Variants in TSC1 observed in about 807,000 individuals in gnomAD.
The protein encoded by TSC1 is hamartin.
A neutral mutation model predicts 124.3 loss-of-function variants in TSC1; 20 were observed. The observed-to-expected ratio is 0.16, with a 90% CI of 0.11 to 0.23. The LOEUF (loss-of-function observed/expected upper bound fraction) is 0.23. Ranked by LOEUF, TSC1 falls within the 10% of genes least tolerant of loss-of-function variation. TSC1 has a pLI of 1.00. For missense variants in TSC1, 1,124 were observed against 1,448.5 expected, an observed-to-expected ratio of 0.78 and a Z score of 3.64; for synonymous variants, 493 against 539.1, an observed-to-expected ratio of 0.91 and a Z score of 1.19.
intron 1 of TSC1, chr9:132,943,963 G>GTAAC: frequency 6.6e-6 from 1 of 152,292 alleles, no homozygotes; most frequent in East Asian, 1.9e-4. Context: ...CCACTTTAAG[G>GTAAC]TAACTGTCTT....
chr9:132,913,891 GTTTTTTTTTTTT>G (rs775823272), intron 8 of TSC1, among the ~76,000 whole-genome samples: 4 of 58,372 alleles, frequency 6.9e-5, no homozygotes, highest in African/African-American at 2.7e-4. Context: ...GTTTTGTTTT[GTTTTTTTTTTTT>G]TTTTTTTTTT....
intron 20 of TSC1, chr9:132,898,890 G>A (rs920695782): frequency 2.0e-5 from 3 of 152,338 alleles, no homozygotes; most frequent in African/African-American, 7.2e-5. Flanking sequence ...CAGGGGTGAT[G>A]AGAAGTATGG....
At position 132,902,796 on chromosome 9, in the gene TSC1, G is replaced by C. The variant is rs118203660; in HGVS notation, c.2209-9C>G. 188 of 1,612,866 alleles carry C rather than the reference G, an allele frequency of 1.2e-4. No homozygotes were observed. The highest frequency in any genetic ancestry group is 1.5e-4 in the Non-Finnish European group (182 of 1,180,014). ...AACTTCAACTGATCTTTCTAGCAGAGACCAGAAATGTCATCATTTTAGCTG... is the reference window on the plus strand; with the variant it reads ...AACTTCAACTGATCTTTCTAGCAGACACCAGAAATGTCATCATTTTAGCTG... On this transcript the variant is annotated splice_polypyrimidine_tract_variant and intron_variant, in intron 17 of 22. Coordinates refer to ENST00000298552, the MANE Select transcript of TSC1 (RefSeq NM_000368.5). The surrounding 1 kb of genome is among the most constrained non-coding windows in gnomAD (Gnocchi z 5.2).
intron 5 of TSC1, among the ~76,000 whole-genome samples, chr9:132,924,629 C>T (rs1030013626): frequency 6.6e-6 from 1 of 152,108 alleles, no homozygotes; most frequent in Non-Finnish European, 1.5e-5. Flanking sequence ...TATATTCTCA[C>T]CAATCCATTT....
In TSC1 at chr9:132,911,036, C is replaced by A. The variant is rs909737447; in HGVS notation, c.1107G>T (p.Leu369=). 1.2e-6 allele frequency: 2 copies of A among 1,614,174 alleles called. No individual in the cohort carries two copies. Among genetic ancestry groups the A allele is most frequent in the Non-Finnish European group, 1.7e-6 (2 of 1,180,042 alleles). Residue 369 remains leucine (L), a synonymous_variant, in exon 11 of 23, where the codon CTG becomes CTT. Coordinates refer to ENST00000298552, the MANE Select transcript of TSC1 (RefSeq NM_000368.5). ...PTSPGNVPPD[L]SHPYSKVFGT... Reference sequence around the variant, plus strand: ...CAAAGACTTTACTGTAAGGGTGTGACAGATCAGGTGGGACATTTCCAGGAG... The same window carrying A: ...CAAAGACTTTACTGTAAGGGTGTGAAAGATCAGGTGGGACATTTCCAGGAG...
chr9:132,901,948 T>G (rs1334376689), intron 18 of TSC1: 2 of 474,802 alleles, frequency 4.2e-6, no homozygotes, highest in Admixed American at 3.7e-5. Context: ...CAAAGAGCCC[T>G]GAGGCTACAC....
At chr9:132,939,138 G>A (rs1160394476) in intron 1 of TSC1, 1 of 152,158 alleles carries the variant, frequency 6.6e-6, no homozygotes, top group Non-Finnish European at 1.5e-5. Context: ...ACACTGTTAA[G>A]TTAATGTTCC....
rs1416032568 is a variant in TSC1, at chr9:132,894,014, C to A, written c.*2221G>T. ...ATGACTCCAGGTCTCATTCTCCCAA[C>A]CGTAGTTGAATAAAACCCACAGCCT... On this transcript the variant is annotated 3_prime_UTR_variant, in exon 23 of 23. Coordinates refer to ENST00000298552, the MANE Select transcript of TSC1 (RefSeq NM_000368.5). 1 of 233,354 alleles carries A rather than the reference C, an allele frequency of 4.3e-6. No individual in the cohort carries two copies. The highest frequency in any genetic ancestry group is 5.6e-5 in the Admixed American group (1 of 17,760). The allele number at this position is 233,354 out of a possible 1,614,324, so 14.5% of individuals were successfully genotyped here. A position where few individuals can be genotyped will look rare whatever the true frequency, so the allele number is the denominator to read the frequency against.
In TSC1 at chr9:132,897,217, T is replaced by C. The variant is rs2131623978; in HGVS notation, c.2942A>G (p.Glu981Gly). ...KDGLLKKLEE[E>G]KAEAAEAAEE... ...TGCTGCTTCAGCTGCTTCTGCTTTT[T>C]CTTCTTCAAGTTTTTTCAGGAGGCC... Residue 981 changes from glutamate to glycine, a missense_variant, in exon 22 of 23, where the codon GAA (glutamate) becomes GGA (glycine). Glu to Gly is a moderately conservative substitution (Grantham distance 98). Transcript: ENST00000298552. The C allele has an allele frequency of 6.2e-7, 1 of 1,614,218 alleles. No individual in the cohort carries two copies. The highest frequency in any genetic ancestry group is 8.5e-7 in the Non-Finnish European group (1 of 1,180,042).
chr9:132,905,453 C>T (rs1845597626), intron 15 of TSC1, 128 bp downstream of exon 15: 2 of 1,333,000 alleles, frequency 1.5e-6, no homozygotes, highest in African/African-American at 2.9e-5. Flanking sequence ...GGACATCTGA[C>T]AAACAGCAGA....
rs374222196 is a variant in TSC1, at chr9:132,905,657, G to A, written c.1921C>T (p.Pro641Ser). Residue 641 changes from proline to serine, a missense_variant, in exon 15 of 23, where the codon CCC becomes TCC. Coordinates refer to ENST00000298552, the MANE Select transcript of TSC1 (RefSeq NM_000368.5). Reference sequence around the variant, plus strand: ...AGCACTTCCATTGGGGAGGTAGAGGGCACACCATCTTCCTCTGTGTTTCCT... The same window carrying A: ...AGCACTTCCATTGGGGAGGTAGAGGACACACCATCTTCCTCTGTGTTTCCT... The part of the protein sequence containing the change: ...AKGNTEEDGV[P>S]STSPMEVLDR... 80 of 1,614,074 alleles carry A rather than the reference G, an allele frequency of 5.0e-5. No homozygotes were observed. Among genetic ancestry groups the A allele is most frequent in the East Asian group, 4.2e-4 (19 of 44,896 alleles).
In TSC1 at chr9:132,895,678, G is replaced by C. The variant is rs906077410; in HGVS notation, c.*557C>G. 2 of 240,332 alleles carry C rather than the reference G, an allele frequency of 8.3e-6. No individual in the cohort carries two copies. Among genetic ancestry groups the C allele is most frequent in the African/African-American group, 4.4e-5 (2 of 45,374 alleles). The allele number at this position is 240,332 out of a possible 1,614,324, so 14.9% of individuals were successfully genotyped here. On this transcript the variant is annotated 3_prime_UTR_variant, in exon 23 of 23. Transcript: ENST00000298552. ...AATAAACCGTTGTTCTTCTAGACCT[G>C]CTGCTTTAGATGCTGAACTTCAGAA...
chr9:132,927,137 C>A (rs544444038), intron 4 of TSC1, 64 bp downstream of exon 4: 21 of 1,473,448 alleles, frequency 1.4e-5, no homozygotes, highest in Non-Finnish European at 2.0e-5. Flanking sequence ...GCACAGTGGC[C>A]GTGCACAGAA....
At chr9:132,901,437 C>A in intron 19 of TSC1, 152 bp downstream of exon 19, 1 of 776,014 alleles carries the variant, frequency 1.3e-6, no homozygotes, top group South Asian at 1.4e-5. Flanking sequence ...CAGACATTGC[C>A]AAATGTCAGG....
At position 132,896,452 on chromosome 9, in the gene TSC1, C is replaced by G. The variant is rs550526986; in HGVS notation, c.3278G>C (p.Arg1093Pro). The change falls in exon 23 of 23, where the codon CGA becomes CCA. Residue 1093 changes from arginine (R) to proline (P), a missense_variant. Arg to Pro is a moderately radical substitution (Grantham distance 103). Coordinates refer to ENST00000298552, the MANE Select transcript of TSC1 (RefSeq NM_000368.5). This position sits in a 1 kb window ranked among gnomAD's most constrained non-coding sequence, Gnocchi z 4.5. The stretch of plus-strand genomic sequence containing the variant: ...CTCGCTCTTATTACGAAATAACTCT[C>G]GAGCCTTCATACCCAGGAAGCTTTT... ...SSKSFLGMKA[R>P]ELFRNKSESQ... 1 of 1,614,172 alleles carries G rather than the reference C, an allele frequency of 6.2e-7. No individual in the cohort carries two copies.
chr9:132,912,601 G>T, intron 8 of TSC1, 144 bp from the exon 9 acceptor site: 2 of 857,676 alleles, frequency 2.3e-6, no homozygotes, highest in Non-Finnish European at 3.8e-6. Flanking sequence ...AACAATTCTA[G>T]TACATAAAGA....
In TSC1 at chr9:132,892,421, C is replaced by T. The variant is rs1369089220; in HGVS notation, c.*3814G>A. 6 of 233,194 alleles carry T rather than the reference C, an allele frequency of 2.6e-5. No individual in the cohort carries two copies. Among genetic ancestry groups the T allele is most frequent in the African/African-American group, 1.1e-4 (5 of 45,342 alleles). 14.4% of individuals were successfully genotyped at this position (233,194 alleles called of 1,614,324 possible). ...TTGCGGGTCGGTTTTAAAGCATGTA[C>T]CCTGGAGAGTGAAGGTGCAGCAGAT... On this transcript the variant is annotated 3_prime_UTR_variant, in exon 23 of 23. Coordinates refer to ENST00000298552, the MANE Select transcript of TSC1 (RefSeq NM_000368.5).
At chr9:132,918,003 AG>A (rs1336186060) in intron 8 of TSC1, among the ~76,000 whole-genome samples, 1 of 152,152 alleles carries the variant, frequency 6.6e-6, no homozygotes, top group African/African-American at 2.4e-5. Flanking sequence ...CTTCTTCCAA[AG>A]CCAAACAATC....
chr9:132,919,449 C>G (rs1480502250), intron 8 of TSC1, among the ~76,000 whole-genome samples: 1 of 152,154 alleles, frequency 6.6e-6, no homozygotes, highest in Non-Finnish European at 1.5e-5. Context: ...AACTCCCTAC[C>G]AGCTCCCCTA....
Sources: allele counts gnomAD v4.1 joint callset (sites outside exome capture counted in the v4.1 genomes callset), GRCh38; gene constraint gnomAD v4.1.1; non-coding constraint Gnocchi (gnomAD v3.1); transcripts MANE v1.5; gene names NCBI Gene and HGNC (gene_info 2026-07-23, HGNC 2026-07-21).